DRG1: variants seen among roughly 807,000 people sequenced by gnomAD.
DRG1 encodes the protein developmentally-regulated GTP-binding protein 1.
Under a neutral mutation model 38.8 loss-of-function variants are expected in DRG1, and 19 were observed. The observed-to-expected ratio is 0.49, with a 90% confidence interval of 0.34 to 0.72. The LOEUF is 0.72. Ranked by LOEUF, DRG1 falls within the 30% of genes least tolerant of loss-of-function variation. The probability of loss-of-function intolerance (pLI) is 0.01; values close to 1 mark genes in which losing one functional copy is unlikely to be tolerated. For synonymous variants in DRG1, 167 were observed against 157.5 expected (o/e 1.06, Z -0.45); for missense variants, 299 against 444.8 (o/e 0.67, Z 2.95).
At chr22:31,402,727 C>T (rs1368328678) in intron 2 of DRG1, among the ~76,000 whole-genome samples, 1 of 152,004 alleles carries the variant, frequency 6.6e-6, no homozygotes, top group Admixed American at 6.6e-5. Context: ...TCAGGCTTGA[C>T]CTGAATTCTT....
At chr22:31,430,947 G>GTTGA (rs1289492201) in intron 8 of DRG1, among the ~76,000 whole-genome samples, 1 of 149,642 alleles carries the variant, frequency 6.7e-6, no homozygotes, top group Non-Finnish European at 1.5e-5. Context: ...CGAACTCCTG[G>GTTGA]GTTCAAGCGA....
chr22:31,428,516 AGTT>A (rs2050123198), intron 8 of DRG1, among the ~76,000 whole-genome samples: 1 of 152,232 alleles, frequency 6.6e-6, no homozygotes. Context: ...CCCAGCCCAA[AGTT>A]TCCTTTTATC....
rs769848617 is a variant in DRG1, at chr22:31,434,003, C to A, written c.*32C>A. The A allele has an allele frequency of 1.1e-5, 18 of 1,595,254 alleles. No homozygotes were observed. In the South Asian group the frequency reaches 1.9e-4, roughly 17 times the overall value. On this transcript the variant is annotated 3_prime_UTR_variant, in exon 9 of 9. Coordinates refer to ENST00000331457, the MANE Select transcript of DRG1 (RefSeq NM_004147.4). The stretch of plus-strand genomic sequence containing the variant: ...TCCCTTTTCCCATCTGCCGGACGAA[C>A]CACAACAGCGTTCCCCATGATCAAG...
intron 8 of DRG1, among the ~76,000 whole-genome samples, chr22:31,432,920 C>T (rs1459026168): frequency 1.3e-5 from 2 of 151,552 alleles, no homozygotes; most frequent in Non-Finnish European, 2.9e-5. Flanking sequence ...ATATGGCCAC[C>T]TTTTTTACTC....
chr22:31,428,603 G>A (rs2050123645), intron 8 of DRG1, among the ~76,000 whole-genome samples: 1 of 152,206 alleles, frequency 6.6e-6, no homozygotes, highest in Non-Finnish European at 1.5e-5. Context: ...GCATTGGTAT[G>A]ATGTTGTTAA....
chr22:31,415,439 A>G (rs997094996), intron 4 of DRG1, among the ~76,000 whole-genome samples: 11 of 152,156 alleles, frequency 7.2e-5, no homozygotes, highest in Non-Finnish European at 1.5e-4. Context: ...CCAAGGTGGT[A>G]TTTGTTGAAT....
chr22:31,415,510 C>T (rs1168729092), intron 4 of DRG1, among the ~76,000 whole-genome samples: 1 of 152,132 alleles, frequency 6.6e-6, no homozygotes, highest in African/African-American at 2.4e-5. Flanking sequence ...CAGGTGTGTG[C>T]CACCACGCCT....
chr22:31,401,032 A>T (rs1038188306), intron 2 of DRG1, among the ~76,000 whole-genome samples: 1 of 152,082 alleles, frequency 6.6e-6, no homozygotes, highest in African/African-American at 2.4e-5. Context: ...TGAATTCTTG[A>T]ACTGTGTTTA....
intron 3 of DRG1, among the ~76,000 whole-genome samples, chr22:31,405,283 G>A (rs1010152967): frequency 2.0e-5 from 3 of 150,870 alleles, no homozygotes; most frequent in East Asian, 4.0e-4. Context: ...TTCTTCTACC[G>A]CAGCCTCTCA....
At position 31,401,779 on chromosome 22, in the gene DRG1, C is replaced by T. The variant is rs1057215241; in HGVS notation, c.166+1036C>T. ...TTAAGAAAACCAAAGTAGGGCCAGG[C>T]GCGGTGGCTCACTCCTGTAATCCCA... is the stretch of plus-strand genomic sequence containing the variant. On this transcript the variant is annotated intron_variant, in intron 2 of 8. Coordinates refer to ENST00000331457, the MANE Select transcript of DRG1 (RefSeq NM_004147.4). Among the ~76,000 whole-genome samples, 7 of 150,686 alleles carry T rather than the reference C, an allele frequency of 4.6e-5. No individual in the cohort carries two copies. In the East Asian group the frequency reaches 1.4e-3, roughly 30 times the overall value.
At chr22:31,426,501 T>C in intron 6 of DRG1, 114 bp from the exon 7 acceptor site, 2 of 847,988 alleles carry the variant, frequency 2.4e-6, no homozygotes, top group African/African-American at 1.7e-5. Context: ...ATCTGCTACT[T>C]ACAGTCCCTC....
chr22:31,410,056 A>G (rs1209319861), intron 3 of DRG1, among the ~76,000 whole-genome samples: 5 of 152,134 alleles, frequency 3.3e-5, no homozygotes, highest in Admixed American at 6.6e-5. Flanking sequence ...AACATGGGTT[A>G]TAACCTATTA....
At chr22:31,417,056 CCT>C (rs2050048359) in intron 4 of DRG1, among the ~76,000 whole-genome samples, 1 of 142,588 alleles carries the variant, frequency 7.0e-6, no homozygotes, top group African/African-American at 2.5e-5. Context: ...ACACAGACAC[CCT>C]GTCTCAAAAA....
At chr22:31,420,971 T>C (rs2050073612) in intron 5 of DRG1, among the ~76,000 whole-genome samples, 1 of 152,160 alleles carries the variant, frequency 6.6e-6, no homozygotes, top group African/African-American at 2.4e-5. Context: ...GGGAAGTCTT[T>C]ACTGAGGTGA....
intron 3 of DRG1, 39 bp from the exon 4 acceptor site, chr22:31,410,973 T>A: frequency 1.2e-6 from 2 of 1,604,962 alleles, no homozygotes; most frequent in Non-Finnish European, 1.7e-6. Context: ...TATAACCAGT[T>A]TTTTCTTTCA....
Position 31,434,185 on chromosome 22 carries a change from C to T in DRG1, c.*214C>T, listed in dbSNP as rs1354954482. On this transcript the variant is annotated 3_prime_UTR_variant, in exon 9 of 9. Coordinates refer to ENST00000331457, the MANE Select transcript of DRG1 (RefSeq NM_004147.4). ...ATCTGGTAGGCTGGTCAGCTACATGCAGCTCATGTGTCATTGTCAGAATTT... is the reference window on the plus strand; with the variant it reads ...ATCTGGTAGGCTGGTCAGCTACATGTAGCTCATGTGTCATTGTCAGAATTT... The T allele has an allele frequency of 2.3e-5, 12 of 520,050 alleles. No individual in the cohort carries two copies. The highest frequency in any genetic ancestry group is 1.3e-4 in the African/African-American group (7 of 51,942). The allele number at this position is 520,050 out of a possible 1,614,324, so 32.2% of individuals were successfully genotyped here.
chr22:31,412,775 G>A (rs963118542), intron 4 of DRG1, among the ~76,000 whole-genome samples: 3 of 148,654 alleles, frequency 2.0e-5, no homozygotes, highest in African/African-American at 7.5e-5. Context: ...CTGGAGCCTC[G>A]ACTCCCTGGA....
chr22:31,410,539 C>T (rs896865760), intron 3 of DRG1, among the ~76,000 whole-genome samples: 1 of 151,426 alleles, frequency 6.6e-6, no homozygotes. Flanking sequence ...ATAGGCTGGG[C>T]GTGGTGGCTC....
chr22:31,405,383 GT>G (rs1430008130), intron 3 of DRG1, among the ~76,000 whole-genome samples: 1 of 151,976 alleles, frequency 6.6e-6, no homozygotes, highest in African/African-American at 2.4e-5. Context: ...GGCCAGGCTG[GT>G]CTTGAACTCC....
Sources: allele counts gnomAD v4.1 joint callset (sites outside exome capture counted in the v4.1 genomes callset), GRCh38; gene constraint gnomAD v4.1.1; transcripts MANE v1.5; gene names NCBI Gene and HGNC (gene_info 2026-07-23, HGNC 2026-07-21).